The following CD9 variants were observed in gnomAD, a reference collection of about 807,000 sequenced individuals.
CD9 encodes the protein CD9 antigen.
In CD9, 10 loss-of-function variants were observed where a neutral mutation model predicts 31.4. The ratio of observed to expected loss-of-function variants is 0.32; its 90% CI spans 0.20 to 0.54. The LOEUF is 0.54. Ranked by LOEUF, CD9 falls within the 20% of genes least tolerant of loss-of-function variation. CD9 has a pLI of 0.94. For synonymous variants in CD9, 113 were observed against 114.1 expected, an observed-to-expected ratio of 0.99 and a Z score of 0.06; for missense variants, 259 against 300.1, an observed-to-expected ratio of 0.86 and a Z score of 1.01.
intron 6 of CD9, 121 bp from the exon 7 acceptor site, chr12:6,236,071 C>G: frequency 6.6e-7 from 1 of 1,508,332 alleles, no homozygotes; most frequent in Non-Finnish European, 8.9e-7. Context: ...CCCGAACACT[C>G]CTGTCCCCAG....
At chr12:6,200,374 A>G (rs1946060672), upstream of CD9, 12 of 601,836 alleles carry the variant, frequency 2.0e-5, no homozygotes, top group Non-Finnish European at 3.4e-5. Context: ...GGCACTTTTT[A>G]AAAGTGCAGC....
Position 6,235,564 on chromosome 12 carries a change from A to G in CD9, c.536A>G (p.Lys179Arg), listed in dbSNP as rs780755003. ...KKDVLETFTV[K>R]SCPDAIKEVF... Reference sequence around the variant, plus strand: ...GACGTACTCGAAACCTTCACCGTGAAGGTAAACTCAGACCAGGATCCTGGT... The same window carrying G: ...GACGTACTCGAAACCTTCACCGTGAGGGTAAACTCAGACCAGGATCCTGGT... The change falls in exon 6 of 8, where the codon AAG (lysine) becomes AGG (arginine). Residue 179 changes from lysine (K) to arginine (R), a missense_variant and splice_region_variant. Lys to Arg is a conservative substitution (Grantham distance 26, BLOSUM62 2). Transcript: ENST00000009180. 1.9e-6 allele frequency: 3 copies of G among 1,610,168 alleles called. No homozygotes were observed. In the Admixed American group the frequency reaches 5.0e-5, roughly 27 times the overall value.
At chr12:6,216,058 C>T (rs1043754277) in intron 1 of CD9, among the ~76,000 whole-genome samples, 3 of 152,106 alleles carry the variant, frequency 2.0e-5, no homozygotes, top group South Asian at 2.1e-4. Context: ...CTGTGGGCAT[C>T]GGGATCCTGT....
intron 1 of CD9, among the ~76,000 whole-genome samples, chr12:6,209,095 A>T (rs1946165385): frequency 6.6e-6 from 1 of 152,064 alleles, no homozygotes. Flanking sequence ...CAGCCTCCTG[A>T]GTAGCTGCGA....
intron 1 of CD9, among the ~76,000 whole-genome samples, chr12:6,221,324 A>G (rs1946289453): frequency 6.6e-6 from 1 of 152,198 alleles, no homozygotes; most frequent in Non-Finnish European, 1.5e-5. Context: ...AGTAGAAGCT[A>G]TGGGCTCTCT....
chr12:6,218,034 G>A (rs1234136376), intron 1 of CD9, among the ~76,000 whole-genome samples: 1 of 152,130 alleles, frequency 6.6e-6, no homozygotes, highest in Non-Finnish European at 1.5e-5. Flanking sequence ...AGACCAGCCT[G>A]GACAACATGG....
At chr12:6,214,245 G>A (rs1021805441) in intron 1 of CD9, among the ~76,000 whole-genome samples, 7 of 152,104 alleles carry the variant, frequency 4.6e-5, no homozygotes, top group South Asian at 4.2e-4. Context: ...GTAATGTGTC[G>A]GGGGCGTGGG....
intron 2 of CD9, among the ~76,000 whole-genome samples, chr12:6,227,078 T>C (rs1946377302): frequency 6.6e-6 from 1 of 152,256 alleles, no homozygotes; most frequent in Non-Finnish European, 1.5e-5. Context: ...ACCCACTTTT[T>C]CTTTTCTGTT....
chr12:6,215,742 C>A (rs1490010067), intron 1 of CD9, among the ~76,000 whole-genome samples: 1 of 152,192 alleles, frequency 6.6e-6, no homozygotes, highest in Non-Finnish European at 1.5e-5. Flanking sequence ...ATCTCTGGGG[C>A]TTTTCAACTT....
At chr12:6,212,617 A>C (rs1055396994) in intron 1 of CD9, among the ~76,000 whole-genome samples, 1 of 152,260 alleles carries the variant, frequency 6.6e-6, no homozygotes, top group African/African-American at 2.4e-5. Flanking sequence ...AGGCAGGCTA[A>C]GCATGTGCTT....
In CD9 at chr12:6,232,741, C is replaced by T. The variant is rs1253934937; in HGVS notation, c.273+12C>T. On this transcript the variant is annotated intron_variant, in intron 3 of 7. Coordinates refer to ENST00000009180, the MANE Select transcript of CD9 (RefSeq NM_001769.4). This position sits in a 1 kb window ranked among gnomAD's most constrained non-coding sequence, Gnocchi z 4.8. ...GCATGCTGGGACTGGTGAGTATCCCCTCGGCATCCCCACAGCCACCCTGAC... is the reference window on the plus strand; with the variant it reads ...GCATGCTGGGACTGGTGAGTATCCCTTCGGCATCCCCACAGCCACCCTGAC... 1 of 1,520,324 alleles carries T rather than the reference C, an allele frequency of 6.6e-7. No individual in the cohort carries two copies. The highest frequency in any genetic ancestry group is 8.9e-7 in the Non-Finnish European group (1 of 1,128,636). 94.2% of individuals were successfully genotyped at this position (1,520,324 alleles called of 1,614,324 possible). A position where few individuals can be genotyped will look rare whatever the true frequency, so the allele number is the denominator to read the frequency against.
At chr12:6,215,817 T>G (rs1166304408) in intron 1 of CD9, among the ~76,000 whole-genome samples, 2 of 152,236 alleles carry the variant, frequency 1.3e-5, no homozygotes, top group African/African-American at 4.8e-5. Flanking sequence ...CCATGAGCTA[T>G]TACAGTAGTT....
intron 1 of CD9, among the ~76,000 whole-genome samples, chr12:6,210,264 T>C (rs1476920416): frequency 6.6e-6 from 1 of 152,164 alleles, no homozygotes; most frequent in Admixed American, 6.5e-5. Context: ...CGGGCTGCGG[T>C]CCCGTCTATG....
chr12:6,217,480 A>T (rs1946254312), intron 1 of CD9, among the ~76,000 whole-genome samples: 1 of 152,192 alleles, frequency 6.6e-6, no homozygotes, highest in African/African-American at 2.4e-5. Context: ...GCAGTGAGCC[A>T]AGATTGTGCC....
intron 1 of CD9, among the ~76,000 whole-genome samples, chr12:6,209,759 A>C (rs1946173544): frequency 6.9e-6 from 1 of 145,556 alleles, no homozygotes; most frequent in Non-Finnish European, 1.5e-5. Flanking sequence ...ATCTCGGCTC[A>C]CTGCAACCTC....
chr12:6,230,392 G>A (rs950648751), intron 2 of CD9, among the ~76,000 whole-genome samples: 2 of 152,254 alleles, frequency 1.3e-5, no homozygotes, highest in South Asian at 2.1e-4. Context: ...TTTCTCTTTA[G>A]TAGCTCACTT....
At position 6,225,341 on chromosome 12, in the gene CD9, C is replaced by T. The variant is rs1946350141; in HGVS notation, c.67-85C>T. 8.1e-6 allele frequency: 7 copies of T among 866,318 alleles called. No homozygotes were observed. In the Middle Eastern group the frequency reaches 1.1e-3, roughly 130 times the overall value. 53.7% of individuals were successfully genotyped at this position (866,318 alleles called of 1,614,324 possible). ...AGAGACCAAGGGTGGTCACAAAGTCCTTTGCAAGTCTCACCCTTAAGCGCG... is the reference window on the plus strand; with the variant it reads ...AGAGACCAAGGGTGGTCACAAAGTCTTTTGCAAGTCTCACCCTTAAGCGCG... On this transcript the variant is annotated intron_variant, in intron 1 of 7. Transcript: ENST00000009180.
intron 1 of CD9, among the ~76,000 whole-genome samples, chr12:6,215,457 T>C (rs904573948): frequency 2.0e-5 from 3 of 152,038 alleles, no homozygotes; most frequent in Non-Finnish European, 4.4e-5. Flanking sequence ...ACTGAGTGAG[T>C]CTAGGAGGGA....
upstream of CD9, chr12:6,200,347 C>A: frequency 2.3e-6 from 1 of 433,912 alleles, no homozygotes; most frequent in South Asian, 4.8e-5. Context: ...CGCAGCGGGT[C>A]GCGCGCCCTA....
Sources: allele counts gnomAD v4.1 joint callset (sites outside exome capture counted in the v4.1 genomes callset), GRCh38; gene constraint gnomAD v4.1.1; non-coding constraint Gnocchi (gnomAD v3.1); transcripts MANE v1.5; gene names NCBI Gene and HGNC (gene_info 2026-07-23, HGNC 2026-07-21).